The following FOXJ3 variants were observed in gnomAD, a reference collection of about 807,000 sequenced individuals.
FOXJ3 encodes forkhead box J3, also known as forkhead box protein J3.
FOXJ3 carries 22 observed loss-of-function variants against 76.1 expected under a neutral mutation model. That is an observed-to-expected ratio of 0.29 (90% confidence interval 0.21 to 0.41). The LOEUF (loss-of-function observed/expected upper bound fraction) is 0.41. Among genes scored for constraint, FOXJ3 ranks in the 10% least tolerant of loss-of-function variants. The pLI is 1.00. For synonymous variants in FOXJ3, 269 were observed against 261.2 expected (o/e 1.03, Z -0.29); for missense variants, 613 against 762.1 (o/e 0.80, Z 2.30).
chr1:42,209,385 G>C (rs1198804580), intron 5 of FOXJ3, among the ~76,000 whole-genome samples: 5 of 152,168 alleles, frequency 3.3e-5, no homozygotes, highest in Non-Finnish European at 7.3e-5. Flanking sequence ...TTCATGCTGT[G>C]AACTTTTTTT....
In FOXJ3 at chr1:42,178,865, C is replaced by G. The variant is rs1646263410; in HGVS notation, c.*845G>C. 1 of 152,644 alleles carries G rather than the reference C, an allele frequency of 6.6e-6. No homozygotes were observed. The highest frequency in any genetic ancestry group is 2.4e-5 in the African/African-American group (1 of 41,456). 9.5% of individuals were successfully genotyped at this position (152,644 alleles called of 1,614,324 possible). A position where few individuals can be genotyped will look rare whatever the true frequency, so the allele number is the denominator to read the frequency against. On this transcript the variant is annotated 3_prime_UTR_variant, in exon 13 of 13. Transcript: ENST00000361346. Reference sequence around the variant, plus strand: ...GAACCCGACAGGAGCTAAGCATTCACAGAAGGTAGCAATAAATATTAAAAT... The same window carrying G: ...GAACCCGACAGGAGCTAAGCATTCAGAGAAGGTAGCAATAAATATTAAAAT...
chr1:42,326,901 G>A (rs935707052), intron 1 of FOXJ3, among the ~76,000 whole-genome samples: 1 of 152,182 alleles, frequency 6.6e-6, no homozygotes, highest in Non-Finnish European at 1.5e-5. Flanking sequence ...GAAACAAGGA[G>A]AATGCAGGGT....
intron 1 of FOXJ3, among the ~76,000 whole-genome samples, chr1:42,334,479 C>A (rs928454546): frequency 3.3e-5 from 5 of 151,818 alleles, no homozygotes; most frequent in Non-Finnish European, 4.4e-5. Context: ...GACAGCAACA[C>A]GTCCGCATGG....
chr1:42,328,438 A>T (rs2124793045), intron 1 of FOXJ3, among the ~76,000 whole-genome samples: 1 of 152,364 alleles, frequency 6.6e-6, no homozygotes, highest in Non-Finnish European at 1.5e-5. Flanking sequence ...TACAAGTATG[A>T]GTCTTGTTAC....
chr1:42,225,354 G>C (rs1647468256), intron 5 of FOXJ3, among the ~76,000 whole-genome samples: 1 of 151,584 alleles, frequency 6.6e-6, no homozygotes, highest in African/African-American at 2.4e-5. Context: ...AAAACCCAAT[G>C]GTTACTTAAA....
At chr1:42,214,823 G>C (rs973397549) in intron 5 of FOXJ3, among the ~76,000 whole-genome samples, 2 of 152,214 alleles carry the variant, frequency 1.3e-5, no homozygotes, top group African/African-American at 2.4e-5. Context: ...AAGAGAGAAA[G>C]TTGAAAGACA....
chr1:42,262,298 A>G (rs1651105429), intron 4 of FOXJ3, among the ~76,000 whole-genome samples: 1 of 152,208 alleles, frequency 6.6e-6, no homozygotes, highest in South Asian at 2.1e-4. Flanking sequence ...TGTCTGGCGA[A>G]TATGCCTGGG....
chr1:42,188,680 C>A, intron 11 of FOXJ3, 57 bp downstream of exon 11: 3 of 1,229,666 alleles, frequency 2.4e-6, no homozygotes, highest in Non-Finnish European at 3.3e-6. Context: ...AAGACAGTTA[C>A]TAAATTTCGT....
chr1:42,203,067 G>A (rs1455054593), intron 6 of FOXJ3, among the ~76,000 whole-genome samples: 2 of 151,822 alleles, frequency 1.3e-5, no homozygotes, highest in Non-Finnish European at 1.5e-5. Flanking sequence ...CCATCTGCAC[G>A]TTTTCTACAG....
chr1:42,324,242 TATATATACACTATATATACAC>T (rs1296697632), intron 1 of FOXJ3, among the ~76,000 whole-genome samples: 89 of 17,086 alleles, frequency 5.2e-3, no homozygotes, highest in Admixed American at 0.017. Context: ...ATATACACAC[TATATATACACTATATATACAC>T]ATATATACAC....
At chr1:42,274,894 C>T (rs1180431095) in intron 3 of FOXJ3, among the ~76,000 whole-genome samples, 1 of 149,310 alleles carries the variant, frequency 6.7e-6, no homozygotes. Flanking sequence ...GGCGGGGGGG[C>T]AAAAGAGACA....
At chr1:42,310,426 G>A (rs1557716351) in intron 2 of FOXJ3, among the ~76,000 whole-genome samples, 1 of 151,354 alleles carries the variant, frequency 6.6e-6, no homozygotes, top group African/African-American at 2.4e-5. Flanking sequence ...TTACAGGCAT[G>A]AGCCACCGCA....
intron 11 of FOXJ3, among the ~76,000 whole-genome samples, chr1:42,188,237 A>G (rs148760520): frequency 1.3e-5 from 2 of 152,214 alleles, no homozygotes; most frequent in Non-Finnish European, 2.9e-5. Context: ...GAAGGAAGAA[A>G]GCGAGATTTA....
chr1:42,326,701 C>A (rs901280716), intron 1 of FOXJ3, among the ~76,000 whole-genome samples: 15 of 152,170 alleles, frequency 9.9e-5, no homozygotes, highest in Non-Finnish European at 1.5e-5. Flanking sequence ...CTTCCAATGA[C>A]TAGAAATGGA....
intron 2 of FOXJ3, among the ~76,000 whole-genome samples, chr1:42,285,581 AG>A (rs1653003138): frequency 6.6e-6 from 1 of 152,202 alleles, no homozygotes; most frequent in Non-Finnish European, 1.5e-5. Context: ...TTATCAACGA[AG>A]AGAGCTGTAA....
At chr1:42,297,259 ATTTC>A (rs1653848000) in intron 2 of FOXJ3, among the ~76,000 whole-genome samples, 1 of 152,074 alleles carries the variant, frequency 6.6e-6, no homozygotes, top group Non-Finnish European at 1.5e-5. Flanking sequence ...GATGCCTTTT[ATTTC>A]TTTCTCTTGC....
intron 4 of FOXJ3, among the ~76,000 whole-genome samples, chr1:42,241,360 A>G (rs890416520): frequency 2.6e-5 from 4 of 152,052 alleles, no homozygotes; most frequent in Non-Finnish European, 5.9e-5. Context: ...CCCACCCCAA[A>G]CACCGCTCCA....
intron 1 of FOXJ3, among the ~76,000 whole-genome samples, chr1:42,320,657 T>C (rs1156873568): frequency 6.6e-6 from 1 of 152,200 alleles, no homozygotes; most frequent in African/African-American, 2.4e-5. Context: ...TGTTTAAAGG[T>C]ATATGAAATT....
chr1:42,219,881 T>C (rs1162294739), intron 5 of FOXJ3, among the ~76,000 whole-genome samples: 1 of 152,182 alleles, frequency 6.6e-6, no homozygotes, highest in Non-Finnish European at 1.5e-5. Context: ...GTCACAACAC[T>C]GCATTGCAGC....
Sources: gnomAD v4.1 joint callset for allele counts (sites outside exome capture counted in the v4.1 genomes callset) on GRCh38, gnomAD v4.1.1 for gene constraint, MANE v1.5 for transcripts, NCBI Gene and HGNC (gene_info 2026-07-23, HGNC 2026-07-21) for gene names.